FBXL2: variants seen among roughly 807,000 people sequenced by gnomAD.
The protein encoded by FBXL2 is F-box/LRR-repeat protein 2.
In FBXL2, 38 loss-of-function variants were observed where a neutral mutation model predicts 69.2. The observed-to-expected ratio is 0.55, with a 90% CI of 0.42 to 0.72. The LOEUF (loss-of-function observed/expected upper bound fraction) is 0.72. Among genes scored for constraint, FBXL2 ranks in the 30% least tolerant of loss-of-function variants. The probability of loss-of-function intolerance (pLI) is 0.00; values close to 1 mark genes in which losing one functional copy is unlikely to be tolerated. For missense variants in FBXL2, 354 were observed against 520.3 expected (o/e 0.68, Z 3.11); for synonymous variants, 192 against 201.3 (o/e 0.95, Z 0.39).
intron 2 of FBXL2, among the ~76,000 whole-genome samples, chr3:33,336,835 G>A (rs1006548304): frequency 1.3e-5 from 2 of 151,614 alleles, no homozygotes; most frequent in Non-Finnish European, 2.9e-5. Flanking sequence ...AACCCAGGAG[G>A]TAGAGGTTGC....
At chr3:33,297,750 A>C in intron 2 of FBXL2, 25 bp downstream of exon 2, 1 of 1,332,210 alleles carries the variant, frequency 7.5e-7, no homozygotes, top group Non-Finnish European at 1.1e-6. Flanking sequence ...ATTCTGGATG[A>C]AGAGTTTAGA....
At position 33,373,582 on chromosome 3, in the gene FBXL2, G is replaced by A. The variant is rs761614760; in HGVS notation, c.460G>A (p.Gly154Ser). 6.2e-7 allele frequency: 1 copy of A among 1,614,096 alleles called. No individual in the cohort carries two copies. Among genetic ancestry groups the A allele is most frequent in the South Asian group, 1.1e-5 (1 of 91,062 alleles). ...TTTTGTTTCTTGTTCTCTCAGTGAGGGCTGCCGAAACCTGGAGTACCTGAA... is the reference window on the plus strand; with the variant it reads ...TTTTGTTTCTTGTTCTCTCAGTGAGAGCTGCCGAAACCTGGAGTACCTGAA... ...TNSSLKGISE[G>S]CRNLEYLNLS... The change falls in exon 8 of 15, where the codon GGC becomes AGC. Residue 154 changes from glycine to serine, a missense_variant. Transcript: ENST00000484457.
At chr3:33,380,822 C>T (rs946371636) in intron 13 of FBXL2, among the ~76,000 whole-genome samples, 6 of 152,138 alleles carry the variant, frequency 3.9e-5, no homozygotes, top group Non-Finnish European at 7.3e-5. Flanking sequence ...ATAAGCTGCT[C>T]GCTTCCAGAA....
At chr3:33,403,087 T>G in intron 12 of FBXL2, 2 of 566,634 alleles carry the variant, frequency 3.5e-6, no homozygotes, top group Non-Finnish European at 6.3e-6. Context: ...TTTTACCTGC[T>G]GTGTGCGTCT....
chr3:33,378,816 T>C (rs1298357035), intron 13 of FBXL2, 75 bp downstream of exon 13: 2 of 1,612,510 alleles, frequency 1.2e-6, no homozygotes, highest in Admixed American at 1.7e-5. Context: ...AGAAGCTGTT[T>C]GGGTTCTCTT....
chr3:33,365,609 CA>C (rs1393060454), intron 5 of FBXL2, among the ~76,000 whole-genome samples: 4 of 152,060 alleles, frequency 2.6e-5, no homozygotes, highest in Non-Finnish European at 5.9e-5. Context: ...GTGTACTGGC[CA>C]GGCACAGTGG....
At chr3:33,420,812 G>A in the FBXL2 span, among the ~76,000 whole-genome samples, 2 of 151,980 alleles carry the variant, frequency 1.3e-5, no homozygotes, top group African/African-American at 4.8e-5. Context: ...TAGTAGAGAT[G>A]GGGTTTCACC....
intron 12 of FBXL2, among the ~76,000 whole-genome samples, chr3:33,399,091 A>C (rs2044122959): frequency 1.3e-5 from 2 of 152,266 alleles, no homozygotes; most frequent in Admixed American, 1.3e-4. Flanking sequence ...GTGTGTGCAC[A>C]CACAAGTTCT....
At chr3:33,289,080 C>T (rs1017911452) in intron 1 of FBXL2, among the ~76,000 whole-genome samples, 4 of 151,970 alleles carry the variant, frequency 2.6e-5, no homozygotes, top group African/African-American at 9.7e-5. Context: ...AATTGGACTT[C>T]ATTGACTCTT....
exon 13 of FBXL2, chr3:33,403,660 T>C (rs1190371157): frequency 2.6e-5 from 4 of 152,278 alleles, no homozygotes; most frequent in African/African-American, 9.6e-5. Context: ...TTTAATATTT[T>C]TCAGCTCCAG....
chr3:33,277,447 C>G lies in FBXL2; in HGVS notation c.-66C>G. Reference sequence around the variant, plus strand: ...GGGCGGGGCGCCTGGCTGGCGTCACCAGGACAACGGGCGTCGCCGGCGCCG... The same window carrying G: ...GGGCGGGGCGCCTGGCTGGCGTCACGAGGACAACGGGCGTCGCCGGCGCCG... On this transcript the variant is annotated 5_prime_UTR_variant, in exon 1 of 15. Transcript: ENST00000484457. 8.0e-7 allele frequency: 1 copy of G among 1,257,278 alleles called. No homozygotes were observed. The allele number at this position is 1,257,278 out of a possible 1,614,324, so 77.9% of individuals were successfully genotyped here. A position where few individuals can be genotyped will look rare whatever the true frequency, so the allele number is the denominator to read the frequency against.
intron 2 of FBXL2, among the ~76,000 whole-genome samples, chr3:33,344,689 TAAAG>T (rs2040305309): frequency 6.6e-6 from 1 of 151,850 alleles, no homozygotes; most frequent in Non-Finnish European, 1.5e-5. Flanking sequence ...AAATTAAAAC[TAAAG>T]AAAGTGGTAG....
rs2042466084 is a variant in FBXL2 at position 33,373,947 on chromosome 3, CTGTT to C, written c.657+29_657+32del. 1.9e-6 allele frequency: 3 copies of C among 1,609,440 alleles called. 1 individual carries two copies. Among genetic ancestry groups the C allele is most frequent in the Non-Finnish European group, 2.6e-6 (3 of 1,175,794 alleles). The stretch of plus-strand genomic sequence containing the variant: ...GTAAGTAGCGTGCCTTTCCTGAACA[CTGTT>C]TGCTCTATCTTGTCTCCCAAAGCAG... On this transcript the variant is annotated intron_variant, in intron 9 of 14. Transcript: ENST00000484457.
intron 1 of FBXL2, among the ~76,000 whole-genome samples, chr3:33,287,348 TTTTAG>T (rs1371034323): frequency 6.6e-6 from 1 of 152,160 alleles, no homozygotes; most frequent in African/African-American, 2.4e-5. Context: ...AGGGAGTAAT[TTTTAG>T]TAATTGTAAC....
At chr3:33,347,064 TCTAA>T (rs1268932415) in intron 2 of FBXL2, among the ~76,000 whole-genome samples, 4 of 152,212 alleles carry the variant, frequency 2.6e-5, no homozygotes, top group African/African-American at 9.6e-5. Flanking sequence ...ATTCGTTCTT[TCTAA>T]CTACTTTTCT....
chr3:33,310,824 G>T (rs1211249265), intron 2 of FBXL2, among the ~76,000 whole-genome samples: 6 of 151,956 alleles, frequency 3.9e-5, no homozygotes, highest in African/African-American at 1.5e-4. Context: ...GCCCAGGCTG[G>T]AGTGCAGTTG....
chr3:33,346,326 A>G (rs1057390103), intron 2 of FBXL2, among the ~76,000 whole-genome samples: 1 of 152,132 alleles, frequency 6.6e-6, no homozygotes, highest in African/African-American at 2.4e-5. Flanking sequence ...AGCTAAAGAA[A>G]TGAAATAATG....
intron 2 of FBXL2, among the ~76,000 whole-genome samples, chr3:33,323,379 T>G (rs567067134): frequency 1.3e-5 from 2 of 152,302 alleles, no homozygotes; most frequent in South Asian, 4.2e-4. Context: ...GTTACATAGG[T>G]ATACACATGC....
intron 2 of FBXL2, among the ~76,000 whole-genome samples, chr3:33,342,940 C>A (rs962233649): frequency 1.5e-5 from 2 of 136,238 alleles, no homozygotes; most frequent in Non-Finnish European, 1.5e-5. Flanking sequence ...CGGGGTTTCA[C>A]CGTTTTAGCC....
Sources: gnomAD v4.1 joint callset for allele counts (sites outside exome capture counted in the v4.1 genomes callset) on GRCh38, gnomAD v4.1.1 for gene constraint, MANE v1.5 for transcripts, NCBI Gene and HGNC (gene_info 2026-07-23, HGNC 2026-07-21) for gene names.